NLGN1: variants seen among roughly 807,000 people sequenced by gnomAD.
NLGN1 encodes the protein neuroligin 1, also known as neuroligin-1.
NLGN1 carries 12 observed loss-of-function variants against 65.5 expected under a neutral mutation model. That is an observed-to-expected ratio of 0.18 (90% CI 0.12 to 0.30). The LOEUF is 0.30. Among genes scored for constraint, NLGN1 ranks in the 10% least tolerant of loss-of-function variants. The pLI, the probability that NLGN1 is intolerant of heterozygous loss-of-function variation, is 1.00. For synonymous variants in NLGN1, 350 were observed against 359.5 expected (o/e 0.97, Z 0.30); for missense variants, 750 against 1,007.1 (o/e 0.74, Z 3.46).
chr3:173,791,340 A>C (rs1164389486), intron 3 of NLGN1, among the ~76,000 whole-genome samples: 1 of 152,146 alleles, frequency 6.6e-6, no homozygotes, highest in Non-Finnish European at 1.5e-5. Context: ...TCTTGTCCTT[A>C]CTTTACATCT....
At chr3:173,954,781 G>A (rs1579394046) in intron 4 of NLGN1, among the ~76,000 whole-genome samples, 1 of 151,992 alleles carries the variant, frequency 6.6e-6, no homozygotes, top group Non-Finnish European at 1.5e-5. Context: ...ATCATTTTAT[G>A]TAGAGTATCT....
chr3:173,733,659 TTTTCAAGTTCACTC>T (rs1773236536), intron 3 of NLGN1, among the ~76,000 whole-genome samples: 1 of 152,090 alleles, frequency 6.6e-6, no homozygotes, highest in Non-Finnish European at 1.5e-5. Context: ...ATGACACCAC[TTTTCAAGTTCACTC>T]TTCTGTATAT....
chr3:173,445,847 C>G (rs557688356), intron 2 of NLGN1, among the ~76,000 whole-genome samples: 1 of 152,256 alleles, frequency 6.6e-6, no homozygotes, highest in South Asian at 2.1e-4. Flanking sequence ...CTCAGATAAG[C>G]CCTTAGCAGA....
intron 4 of NLGN1, among the ~76,000 whole-genome samples, chr3:174,176,065 C>T (rs1729393880): frequency 6.6e-6 from 1 of 151,840 alleles, no homozygotes; most frequent in Admixed American, 6.6e-5. Context: ...TACTTAATAT[C>T]CATCCATGAG....
intron 3 of NLGN1, among the ~76,000 whole-genome samples, chr3:173,624,303 G>A (rs1409099227): frequency 1.3e-5 from 2 of 152,136 alleles, no homozygotes; most frequent in African/African-American, 2.4e-5. Flanking sequence ...TGCACTTTCT[G>A]CCTACTTCAC....
chr3:173,899,343 C>T (rs539289517), intron 4 of NLGN1, among the ~76,000 whole-genome samples: 11 of 152,054 alleles, frequency 7.2e-5, no homozygotes, highest in South Asian at 6.2e-4. Flanking sequence ...TTGCATTAGT[C>T]GACTATACTA....
chr3:174,147,737 C>T lies in NLGN1; in HGVS notation c.647-127578C>T, dbSNP rs1723613468. On this transcript the variant is annotated intron_variant, in intron 4 of 6. Coordinates refer to ENST00000457714, the Ensembl canonical transcript of NLGN1. ...GGCCGAAAACGTGCTAGTTTAAAAC[C>T]TGTGATATAATTCAGCCTAAAGATT... is the stretch of plus-strand genomic sequence containing the variant. 2.0e-5 allele frequency among the ~76,000 whole-genome samples: 3 copies of T among 152,020 alleles called. No homozygotes were observed. In the South Asian group the frequency reaches 6.2e-4, roughly 32 times the overall value.
At chr3:174,283,876 G>A (rs1028525459) in exon 7 of NLGN1, 1 of 151,386 alleles carries the variant, frequency 6.6e-6, no homozygotes, top group Non-Finnish European at 1.5e-5. Context: ...GTATTTTACT[G>A]TATTAATTAA....
intron 4 of NLGN1, among the ~76,000 whole-genome samples, chr3:174,098,173 T>A (rs1463047593): frequency 6.6e-6 from 1 of 151,650 alleles, no homozygotes; most frequent in Non-Finnish European, 1.5e-5. Context: ...AAGCTCTTAA[T>A]GAGATTATCC....
chr3:173,444,575 A>G (rs1719824397), intron 2 of NLGN1, among the ~76,000 whole-genome samples: 1 of 152,118 alleles, frequency 6.6e-6, no homozygotes, highest in African/African-American at 2.4e-5. Context: ...TATATTCACT[A>G]TTTTACTTTA....
chr3:173,733,005 T>C (rs1773110320), intron 3 of NLGN1, among the ~76,000 whole-genome samples: 1 of 152,198 alleles, frequency 6.6e-6, no homozygotes, highest in African/African-American at 2.4e-5. Context: ...TTATACCTTT[T>C]ATATCAAAAA....
At chr3:174,150,576 G>A (rs1466856060) in intron 4 of NLGN1, among the ~76,000 whole-genome samples, 3 of 152,096 alleles carry the variant, frequency 2.0e-5, no homozygotes, top group Admixed American at 2.0e-4. Context: ...ATTTGGACCT[G>A]CAGTTAAGCC....
At position 173,769,764 on chromosome 3, in the gene NLGN1, T is replaced by C. The variant is rs541430136; in HGVS notation, c.494-37916T>C. On this transcript the variant is annotated intron_variant, in intron 3 of 6. Coordinates refer to ENST00000457714, the Ensembl canonical transcript of NLGN1. Reference sequence around the variant, plus strand: ...TCTACTTAACAACTTTCTGAATTCATATGCCAGTGAATAAATGAACAGGGA... The same window carrying C: ...TCTACTTAACAACTTTCTGAATTCACATGCCAGTGAATAAATGAACAGGGA... 2.6e-5 allele frequency among the ~76,000 whole-genome samples: 4 copies of C among 152,310 alleles called. No homozygotes were observed. The East Asian group carries it at 7.7e-4, about 29-fold the overall frequency.
At chr3:173,771,072 C>T (rs1391908817) in intron 3 of NLGN1, among the ~76,000 whole-genome samples, 2 of 152,170 alleles carry the variant, frequency 1.3e-5, no homozygotes, top group African/African-American at 2.4e-5. Flanking sequence ...AAATGCACTT[C>T]CACAAAGAAG....
At chr3:173,573,858 TC>T (rs1745043486) in intron 2 of NLGN1, among the ~76,000 whole-genome samples, 1 of 151,006 alleles carries the variant, frequency 6.6e-6, no homozygotes, top group Non-Finnish European at 1.5e-5. Flanking sequence ...GGTCAGGAGA[TC>T]AAGACCATCC....
intron 4 of NLGN1, among the ~76,000 whole-genome samples, chr3:173,934,780 G>A (rs1744751285): frequency 1.3e-5 from 2 of 151,962 alleles, no homozygotes; most frequent in African/African-American, 4.8e-5. Context: ...TAAATCACAA[G>A]GCAAGTTGAG....
chr3:173,878,669 T>A (rs1452789580), intron 4 of NLGN1, among the ~76,000 whole-genome samples: 1 of 149,832 alleles, frequency 6.7e-6, no homozygotes, highest in Non-Finnish European at 1.5e-5. Flanking sequence ...TATATACACA[T>A]ACATATATAA....
At chr3:173,543,809 C>T (rs138154900) in intron 2 of NLGN1, among the ~76,000 whole-genome samples, 194 of 152,140 alleles carry the variant, frequency 1.3e-3, no homozygotes, top group African/African-American at 4.6e-3. Context: ...AATCTTTGCA[C>T]TCATGAAGCT....
intron 4 of NLGN1, among the ~76,000 whole-genome samples, chr3:174,149,336 A>G (rs769372221): frequency 5.3e-5 from 8 of 151,398 alleles, no homozygotes; most frequent in Non-Finnish European, 1.2e-4. Flanking sequence ...TCTCATCTCC[A>G]CCTCCCTCCA....
Sources: allele counts gnomAD v4.1 joint callset (sites outside exome capture counted in the v4.1 genomes callset), GRCh38; gene constraint gnomAD v4.1.1; transcripts MANE v1.5; gene names NCBI Gene and HGNC (gene_info 2026-07-23, HGNC 2026-07-21).